Variants in PPP2R5E observed in about 807,000 individuals in gnomAD.
PPP2R5E encodes serine/threonine-protein phosphatase 2A 56 kDa regulatory subunit epsilon isoform.
Under a neutral mutation model 65.3 loss-of-function variants are expected in PPP2R5E, and 4 were observed. That is an observed-to-expected ratio of 0.06 (90% CI 0.03 to 0.14). The LOEUF is 0.14. PPP2R5E is among the 10% of genes least tolerant of loss of function. The probability of loss-of-function intolerance (pLI) is 1.00; values close to 1 mark genes in which losing one functional copy is unlikely to be tolerated. For missense variants in PPP2R5E, 274 were observed against 556.1 expected (o/e 0.49, Z 5.10); for synonymous variants, 183 against 187.4 (o/e 0.98, Z 0.19).
chr14:63,508,086 T>A, intron 2 of PPP2R5E: 1 of 950,332 alleles, frequency 1.1e-6, no homozygotes, highest in Non-Finnish European at 1.3e-6. Flanking sequence ...AAACCCTCAC[T>A]CCACCCTCCT....
At chr14:63,383,977 A>G (rs1884515660) in intron 12 of PPP2R5E, among the ~76,000 whole-genome samples, 1 of 152,150 alleles carries the variant, frequency 6.6e-6, no homozygotes. Flanking sequence ...CACATCCTCT[A>G]GCACCCTCCC....
intron 2 of PPP2R5E, among the ~76,000 whole-genome samples, chr14:63,511,215 G>A (rs541949635): frequency 7.4e-4 from 113 of 152,330 alleles, no homozygotes; most frequent in African/African-American, 2.6e-3. Context: ...GATTTCAAAA[G>A]TTGTTAAGCA....
chr14:63,422,459 G>A (rs930629513), intron 3 of PPP2R5E, among the ~76,000 whole-genome samples: 4 of 152,176 alleles, frequency 2.6e-5, no homozygotes, highest in Non-Finnish European at 4.4e-5. Flanking sequence ...GGGCGCAGTG[G>A]CTCACGCCTG....
chr14:63,402,816 G>A (rs1231740640), intron 5 of PPP2R5E, among the ~76,000 whole-genome samples: 1 of 151,854 alleles, frequency 6.6e-6, no homozygotes, highest in Non-Finnish European at 1.5e-5. Flanking sequence ...AAAATGAAGA[G>A]AAGGAAATTA....
At chr14:63,470,515 T>C (rs2139555204) in intron 2 of PPP2R5E, among the ~76,000 whole-genome samples, 1 of 151,756 alleles carries the variant, frequency 6.6e-6, no homozygotes, top group African/African-American at 2.4e-5. Context: ...TTGATTATCC[T>C]GTCTACTAAA....
chr14:63,405,567 C>T (rs1309717352), intron 5 of PPP2R5E, among the ~76,000 whole-genome samples: 5 of 152,128 alleles, frequency 3.3e-5, no homozygotes, highest in South Asian at 2.1e-4. Flanking sequence ...CATATGTTTA[C>T]GGGGATACTT....
intron 13 of PPP2R5E, among the ~76,000 whole-genome samples, chr14:63,380,684 G>A (rs1884302118): frequency 6.6e-6 from 1 of 151,562 alleles, no homozygotes; most frequent in African/African-American, 2.4e-5. Flanking sequence ...AAAAAAAGTT[G>A]TTTAAACTGT....
intron 3 of PPP2R5E, among the ~76,000 whole-genome samples, chr14:63,450,597 A>AT (rs1888769021): frequency 6.6e-6 from 1 of 152,224 alleles, no homozygotes; most frequent in Non-Finnish European, 1.5e-5. Flanking sequence ...TATCTTAATC[A>AT]TAATTTGAGA....
At chr14:63,503,360 G>A (rs562872788) in intron 2 of PPP2R5E, among the ~76,000 whole-genome samples, 1 of 152,262 alleles carries the variant, frequency 6.6e-6, no homozygotes, top group Admixed American at 6.5e-5. Flanking sequence ...GGCAGGAACA[G>A]GCCTCTATGT....
At chr14:63,482,201 A>C (rs1465383915) in intron 2 of PPP2R5E, among the ~76,000 whole-genome samples, 1 of 152,240 alleles carries the variant, frequency 6.6e-6, no homozygotes, top group African/African-American at 2.4e-5. Context: ...ACAGTGACTC[A>C]TGTCTGTAAT....
intron 2 of PPP2R5E, among the ~76,000 whole-genome samples, chr14:63,468,421 T>G (rs10483772): frequency 0.029 from 4,455 of 152,312 alleles, 193 homozygotes; most frequent in African/African-American, 0.097. Context: ...TGTAACTTGA[T>G]TAGAGGAAAG....
chr14:63,469,886 T>C (rs1222075607), intron 2 of PPP2R5E, among the ~76,000 whole-genome samples: 1 of 152,204 alleles, frequency 6.6e-6, no homozygotes, highest in Non-Finnish European at 1.5e-5. Flanking sequence ...CTGCAAGATA[T>C]TCAGTTTTAT....
In PPP2R5E at chr14:63,470,668, A is replaced by G. The variant is rs147708372; in HGVS notation, c.158-16783T>C. Among the ~76,000 whole-genome samples the G allele has an allele frequency of 6.4e-3, 968 of 151,710 alleles. 10 individuals carry two copies. Among genetic ancestry groups the G allele is most frequent in the African/African-American group, 0.022 (910 of 41,326 alleles). On this transcript the variant is annotated intron_variant, in intron 2 of 13. Transcript: ENST00000337537. Reference sequence around the variant, plus strand: ...AACAAGCAAATTATCTGAAGACTCTATTGACACCTAATCTACTTTCACAGG... The same window carrying G: ...AACAAGCAAATTATCTGAAGACTCTGTTGACACCTAATCTACTTTCACAGG...
chr14:63,380,351 C>T (rs1292255199), intron 13 of PPP2R5E, among the ~76,000 whole-genome samples: 2 of 151,804 alleles, frequency 1.3e-5, no homozygotes, highest in Non-Finnish European at 2.9e-5. Context: ...TTGCAACAAT[C>T]GCTAATATAC....
chr14:63,484,967 G>A (rs1239893342), intron 2 of PPP2R5E, among the ~76,000 whole-genome samples: 1 of 152,112 alleles, frequency 6.6e-6, no homozygotes, highest in East Asian at 1.9e-4. Context: ...CAATGCAACA[G>A]CACTCTTATT....
intron 3 of PPP2R5E, among the ~76,000 whole-genome samples, chr14:63,447,077 G>A (rs1378953153): frequency 6.6e-6 from 1 of 152,174 alleles, no homozygotes; most frequent in Admixed American, 6.5e-5. Flanking sequence ...GGTAGATTTA[G>A]CATGGTTGTT....
chr14:63,489,094 C>T (rs371996958), intron 2 of PPP2R5E, among the ~76,000 whole-genome samples: 3 of 152,084 alleles, frequency 2.0e-5, no homozygotes, highest in South Asian at 4.1e-4. Flanking sequence ...TCCAGGTCTT[C>T]GAACCTCTTT....
At chr14:63,436,307 C>A (rs1026696011) in intron 3 of PPP2R5E, among the ~76,000 whole-genome samples, 2 of 152,094 alleles carry the variant, frequency 1.3e-5, no homozygotes, top group East Asian at 3.8e-4. Flanking sequence ...TCTTGAATTG[C>A]GAATTTTTAA....
chr14:63,424,963 T>TA (rs1887252189), intron 3 of PPP2R5E, among the ~76,000 whole-genome samples: 2 of 152,184 alleles, frequency 1.3e-5, no homozygotes, highest in African/African-American at 4.8e-5. Flanking sequence ...GAGCCGTATC[T>TA]ATTGGACTTG....
Sources: allele counts gnomAD v4.1 joint callset (sites outside exome capture counted in the v4.1 genomes callset), GRCh38; gene constraint gnomAD v4.1.1; transcripts MANE v1.5; gene names NCBI Gene and HGNC (gene_info 2026-07-23, HGNC 2026-07-21).